The following MEAK7 variants were observed in gnomAD, a reference collection of about 807,000 sequenced individuals.
The protein encoded by MEAK7 is MTOR-associated protein MEAK7.
A neutral mutation model predicts 40.5 loss-of-function variants in MEAK7; 68 were observed. The observed-to-expected ratio is 1.68, with a 90% CI of 1.38 to 2.06. The LOEUF (loss-of-function observed/expected upper bound fraction) is 2.06, where lower values mean the gene tolerates loss of function less well. Ranked by LOEUF, MEAK7 falls within the 30% of genes most tolerant of loss-of-function variation. The pLI, the probability that MEAK7 is intolerant of heterozygous loss-of-function variation, is 0.00. For synonymous variants in MEAK7, 338 were observed against 231.9 expected, an observed-to-expected ratio of 1.46 and a Z score of -4.16; for missense variants, 918 against 580.5, an observed-to-expected ratio of 1.58 and a Z score of -5.98.
chr16:84,495,111 A>C (rs1256165342), intron 3 of MEAK7, among the ~76,000 whole-genome samples: 2 of 152,130 alleles, frequency 1.3e-5, no homozygotes, highest in African/African-American at 4.8e-5. Flanking sequence ...TCTACTAAAA[A>C]TACAAAAATC....
At chr16:84,504,260 G>T in intron 1 of MEAK7, 2 of 634,886 alleles carry the variant, frequency 3.2e-6, no homozygotes, top group Non-Finnish European at 3.9e-6. Flanking sequence ...CTCCCTTTCC[G>T]CGTCTACACA....
chr16:84,490,346 G>A (rs1913463473), intron 3 of MEAK7, among the ~76,000 whole-genome samples: 1 of 150,950 alleles, frequency 6.6e-6, no homozygotes, highest in South Asian at 2.1e-4. Context: ...ACTGCCTTGA[G>A]GGGCTTTATT....
rs368724436 is a variant in MEAK7, at chr16:84,498,069, G to C, written c.18C>G (p.Ser6Arg). 6 of 1,612,166 alleles carry C rather than the reference G, an allele frequency of 3.7e-6. No individual in the cohort carries two copies. Among genetic ancestry groups the C allele is most frequent in the Non-Finnish European group, 5.1e-6 (6 of 1,179,034 alleles). ...GTGAACAAAAGCTCCGCCCCACACG[G>C]CTTCTGCTGTTCCCCATCTGTCCTG... MGNSR[S>R]RVGRSFCSQF... Residue 6 changes from serine to arginine, a missense_variant, in exon 2 of 8, where the codon AGC becomes AGG. Ser to Arg is a moderately radical substitution (Grantham distance 110, BLOSUM62 -1). Transcript: ENST00000343629.
chr16:84,485,176 G>A (rs1243712926), intron 5 of MEAK7, among the ~76,000 whole-genome samples: 2 of 152,212 alleles, frequency 1.3e-5, no homozygotes, highest in African/African-American at 4.8e-5. Flanking sequence ...AGTGGCCGTG[G>A]CAAGGCTGAG....
At chr16:84,501,822 G>A (rs529578377) in intron 1 of MEAK7, among the ~76,000 whole-genome samples, 36 of 152,286 alleles carry the variant, frequency 2.4e-4, no homozygotes, top group African/African-American at 4.1e-4. Flanking sequence ...AGGACAGCCC[G>A]TCTCCTTTGA....
Position 84,479,318 on chromosome 16 carries a change from G to C in MEAK7, c.*595C>G, listed in dbSNP as rs1912291717. Reference sequence around the variant, plus strand: ...CAGGTACCACCTTCTAACAGGGATGGCCTGAGTGAGGCCATATGAACCCCA... The same window carrying C: ...CAGGTACCACCTTCTAACAGGGATGCCCTGAGTGAGGCCATATGAACCCCA... On this transcript the variant is annotated 3_prime_UTR_variant, in exon 8 of 8. Coordinates refer to ENST00000343629, the MANE Select transcript of MEAK7 (RefSeq NM_020947.4). 6.6e-6 allele frequency: 1 copy of C among 152,222 alleles called. No homozygotes were observed. The highest frequency in any genetic ancestry group is 1.5e-5 in the Non-Finnish European group (1 of 68,060). The allele number at this position is 152,222 out of a possible 1,614,324, so 9.4% of individuals were successfully genotyped here.
intron 5 of MEAK7, among the ~76,000 whole-genome samples, chr16:84,485,663 C>CTACCTATCT (rs1357237005): frequency 0.032 from 4,792 of 149,510 alleles, 100 homozygotes; most frequent in Non-Finnish European, 0.037. Context: ...TCCATCCATC[C>CTACCTATCT]ATCTATCTAC....
At chr16:84,498,239 G>C (rs959251558) in intron 1 of MEAK7, 128 bp from the exon 2 acceptor site, 15 of 1,125,808 alleles carry the variant, frequency 1.3e-5, no homozygotes, top group Non-Finnish European at 1.8e-5. Context: ...AAACACATCA[G>C]AGCTACATAA....
At chr16:84,483,131 G>C (rs879468051) in intron 5 of MEAK7, among the ~76,000 whole-genome samples, 17 of 152,210 alleles carry the variant, frequency 1.1e-4, no homozygotes, top group Admixed American at 1.1e-3. Context: ...GCGTAGTGCT[G>C]ACCCCGGCCT....
intron 5 of MEAK7, among the ~76,000 whole-genome samples, chr16:84,485,175 G>A (rs986684679): frequency 6.6e-6 from 1 of 152,188 alleles, no homozygotes; most frequent in Non-Finnish European, 1.5e-5. Context: ...GAGTGGCCGT[G>A]GCAAGGCTGA....
intron 3 of MEAK7, 57 bp downstream of exon 3, chr16:84,495,626 C>T (rs546301312): frequency 3.2e-6 from 5 of 1,553,852 alleles, no homozygotes; most frequent in Non-Finnish European, 4.4e-6. Context: ...TCCATCCCCC[C>T]ACCGATGGTC....
chr16:84,487,071 G>A lies in MEAK7; in HGVS notation c.530-12C>T. The A allele has an allele frequency of 1.2e-6, 2 of 1,603,692 alleles. No homozygotes were observed. Among genetic ancestry groups the A allele is most frequent in the South Asian group, 1.1e-5 (1 of 88,792 alleles). On this transcript the variant is annotated splice_polypyrimidine_tract_variant and intron_variant, in intron 4 of 7. Coordinates refer to ENST00000343629, the MANE Select transcript of MEAK7 (RefSeq NM_020947.4). ...AAGTCTCTTGCCATCTAGGGGAAGG[G>A]GATGGTCAGCATTAGTGGGGCTGTT...
chr16:84,482,579 T>C lies in MEAK7; in HGVS notation c.1077+13A>G. On this transcript the variant is annotated intron_variant, in intron 6 of 7. Coordinates refer to ENST00000343629, the MANE Select transcript of MEAK7 (RefSeq NM_020947.4). ...TCACCAAGGCAAGACCACCACGCTC[T>C]GCCCGGGCTCACCAGTCCGTTCGGG... 6.2e-7 allele frequency: 1 copy of C among 1,614,082 alleles called. No individual in the cohort carries two copies. The highest frequency in any genetic ancestry group is 8.5e-7 in the Non-Finnish European group (1 of 1,179,936).
chr16:84,488,220 C>T (rs908529907), intron 4 of MEAK7: 4 of 152,146 alleles, frequency 2.6e-5, no homozygotes, highest in African/African-American at 9.7e-5. Flanking sequence ...TTAAAACATA[C>T]TGATTCTAGA....
At chr16:84,481,858 T>A (rs999636529) in intron 6 of MEAK7, among the ~76,000 whole-genome samples, 2 of 151,942 alleles carry the variant, frequency 1.3e-5, no homozygotes, top group East Asian at 3.9e-4. Context: ...GGCGTGAACC[T>A]GGGAGGCGGA....
intron 1 of MEAK7, among the ~76,000 whole-genome samples, chr16:84,498,726 G>C (rs879476568): frequency 6.6e-6 from 1 of 151,868 alleles, no homozygotes; most frequent in Non-Finnish European, 1.5e-5. Flanking sequence ...ATCAAAGGCA[G>C]GACAAAAAAA....
chr16:84,502,980 C>G (rs373136643), intron 1 of MEAK7: 4 of 152,210 alleles, frequency 2.6e-5, no homozygotes, highest in Admixed American at 6.5e-5. Flanking sequence ...TTTGTAAAAT[C>G]TGGTTTTAGC....
chr16:84,485,783 G>C (rs1362121058), intron 5 of MEAK7, among the ~76,000 whole-genome samples: 1 of 152,148 alleles, frequency 6.6e-6, no homozygotes, highest in Non-Finnish European at 1.5e-5. Flanking sequence ...CGAGGTTCAA[G>C]CAATTCTCAT....
chr16:84,480,788 T>C, intron 6 of MEAK7, 80 bp from the exon 7 acceptor site: 1 of 1,467,830 alleles, frequency 6.8e-7, no homozygotes, highest in Admixed American at 2.3e-5. Context: ...AGCCAGCCTC[T>C]CGCCTTAAGT....
Sources: allele counts gnomAD v4.1 joint callset (sites outside exome capture counted in the v4.1 genomes callset), GRCh38; gene constraint gnomAD v4.1.1; transcripts MANE v1.5; gene names NCBI Gene and HGNC (gene_info 2026-07-23, HGNC 2026-07-21).